LIN28B: variants seen among roughly 807,000 people sequenced by gnomAD.
LIN28B encodes protein lin-28 homolog B.
LIN28B carries 5 observed loss-of-function variants against 21.9 expected under a neutral mutation model. The ratio of observed to expected loss-of-function variants is 0.23; its 90% CI spans 0.12 to 0.48. The LOEUF is 0.48. Ranked by LOEUF, LIN28B falls within the 20% of genes least tolerant of loss-of-function variation. The pLI, the probability that LIN28B is intolerant of heterozygous loss-of-function variation, is 0.98. For synonymous variants in LIN28B, 109 were observed against 111.3 expected (o/e 0.98, Z 0.13); for missense variants, 245 against 310.5 (o/e 0.79, Z 1.58).
intron 2 of LIN28B, among the ~76,000 whole-genome samples, chr6:104,997,461 A>T (rs558787490): frequency 6.6e-5 from 10 of 152,128 alleles, no homozygotes; most frequent in African/African-American, 2.2e-4. Flanking sequence ...AACCTTGATG[A>T]TGACGAAATT....
chr6:105,059,539 T>C (rs574170053), intron 3 of LIN28B, among the ~76,000 whole-genome samples: 1 of 152,324 alleles, frequency 6.6e-6, no homozygotes, highest in African/African-American at 2.4e-5. Flanking sequence ...TCCATTACTA[T>C]TTTATTGAAA....
chr6:104,955,427 AT>A (rs776138385), upstream of LIN28B, among the ~76,000 whole-genome samples: 12 of 152,168 alleles, frequency 7.9e-5, no homozygotes, highest in Non-Finnish European at 1.3e-4. Flanking sequence ...AAAAAAAAAA[AT>A]CTTTCCAAAT....
intron 2 of LIN28B, among the ~76,000 whole-genome samples, chr6:105,002,175 T>TG (rs1434209433): frequency 6.6e-6 from 1 of 151,342 alleles, no homozygotes; most frequent in Non-Finnish European, 1.5e-5. Context: ...TATTTTTTTT[T>TG]TTTTTTTTTT....
At chr6:105,062,360 A>G (rs1772137921) in intron 3 of LIN28B, among the ~76,000 whole-genome samples, 2 of 152,190 alleles carry the variant, frequency 1.3e-5, no homozygotes, top group Non-Finnish European at 2.9e-5. Flanking sequence ...AACACTTTCT[A>G]TCTTACAGCA....
upstream of LIN28B, among the ~76,000 whole-genome samples, chr6:104,953,375 A>G (rs1381191886): frequency 1.3e-5 from 2 of 152,160 alleles, no homozygotes; most frequent in Non-Finnish European, 2.9e-5. Context: ...CACTTATCTT[A>G]GCTTTAGGAG....
At chr6:105,029,485 A>T (rs1286055602) in intron 3 of LIN28B, among the ~76,000 whole-genome samples, 4 of 152,072 alleles carry the variant, frequency 2.6e-5, no homozygotes, top group Non-Finnish European at 5.9e-5. Context: ...TGGTAGATAG[A>T]TATGAAGGTA....
At chr6:105,028,185 C>A (rs1384198345) in intron 3 of LIN28B, among the ~76,000 whole-genome samples, 1 of 152,050 alleles carries the variant, frequency 6.6e-6, no homozygotes, top group Non-Finnish European at 1.5e-5. Flanking sequence ...GGGTTGGAAT[C>A]AGTATGTGAG....
At chr6:104,960,332 A>T (rs554997470) in intron 2 of LIN28B, among the ~76,000 whole-genome samples, 1 of 152,294 alleles carries the variant, frequency 6.6e-6, no homozygotes, top group South Asian at 2.1e-4. Flanking sequence ...TGATACAGGT[A>T]TTATGTGTGC....
chr6:105,062,696 CGTTTCTAAGA>C (rs1314701330), intron 3 of LIN28B, among the ~76,000 whole-genome samples: 1 of 151,642 alleles, frequency 6.6e-6, no homozygotes, highest in Non-Finnish European at 1.5e-5. Flanking sequence ...TTTTCAAATA[CGTTTCTAAGA>C]GGTTCCAGCT....
chr6:105,052,288 A>G (rs1771922550), intron 3 of LIN28B, among the ~76,000 whole-genome samples: 2 of 152,152 alleles, frequency 1.3e-5, no homozygotes, highest in Non-Finnish European at 2.9e-5. Context: ...ATGGTGTCTT[A>G]GTCTACTTTG....
intron 2 of LIN28B, among the ~76,000 whole-genome samples, chr6:105,011,362 T>C (rs901465727): frequency 6.6e-6 from 1 of 152,178 alleles, no homozygotes; most frequent in Non-Finnish European, 1.5e-5. Context: ...GGCTAATTTT[T>C]GTATTTTTTG....
chr6:105,027,252 C>T (rs982141144), intron 3 of LIN28B, among the ~76,000 whole-genome samples: 3 of 152,060 alleles, frequency 2.0e-5, no homozygotes, highest in East Asian at 1.9e-4. Flanking sequence ...AAACTACTCT[C>T]CAGAAATGAT....
chr6:105,000,247 A>G (rs1770695375), intron 2 of LIN28B, among the ~76,000 whole-genome samples: 2 of 152,170 alleles, frequency 1.3e-5, no homozygotes, highest in South Asian at 4.1e-4. Context: ...CATGTTTAAA[A>G]AAACAGTTAT....
rs538930967 is a variant in LIN28B at position 104,997,858 on chromosome 6, T to C, written c.199-28440T>C. ...TGGTGTCACTCATGGGAAGCAGCAG[T>C]AGCCTTTTTTCCTTAATTTATTCCC... On this transcript the variant is annotated intron_variant, in intron 2 of 3. Coordinates refer to ENST00000345080, the MANE Select transcript of LIN28B (RefSeq NM_001004317.4). Among the ~76,000 whole-genome samples, 3 of 152,316 alleles carry C rather than the reference T, an allele frequency of 2.0e-5. No homozygotes were observed. In the South Asian group the frequency reaches 6.2e-4, roughly 32 times the overall value.
intron 2 of LIN28B, among the ~76,000 whole-genome samples, chr6:104,946,668 T>C (rs1213487886): frequency 6.6e-6 from 1 of 152,162 alleles, no homozygotes; most frequent in Non-Finnish European, 1.5e-5. Context: ...TATATGATTT[T>C]AAGTAATGTT....
chr6:104,957,621 A>ATT (rs1778309798), intron 1 of LIN28B, among the ~76,000 whole-genome samples: 1 of 151,846 alleles, frequency 6.6e-6, no homozygotes, highest in Admixed American at 6.6e-5. Context: ...GGGGAGGGGA[A>ATT]TGCACATTGC....
rs1002145144 is a variant in LIN28B, at chr6:104,969,088, T to C, written c.198+10802T>C. Among the ~76,000 whole-genome samples, 4 of 151,070 alleles carry C rather than the reference T, an allele frequency of 2.6e-5. No homozygotes were observed. In the Admixed American group the frequency reaches 2.7e-4, roughly 10 times the overall value. ...AACACAGCTCAGTGTAAGCCATACATTTTTTTTTAAGTGCATCTTTTTCAA... is the reference window on the plus strand; with the variant it reads ...AACACAGCTCAGTGTAAGCCATACACTTTTTTTTAAGTGCATCTTTTTCAA... On this transcript the variant is annotated intron_variant, in intron 2 of 3. Coordinates refer to ENST00000345080, the MANE Select transcript of LIN28B (RefSeq NM_001004317.4).
At position 105,023,289 on chromosome 6, in the gene LIN28B, A is replaced by T. The variant is rs1212965752; in HGVS notation, c.199-3009A>T. On this transcript the variant is annotated intron_variant, in intron 2 of 3. Coordinates refer to ENST00000345080, the MANE Select transcript of LIN28B (RefSeq NM_001004317.4). ...TTATTTATTATTATATATATAAATA[A>T]TATATATATTTATATATAATTATAT... 4.2e-4 allele frequency among the ~76,000 whole-genome samples: 13 copies of T among 30,692 alleles called. No individual in the cohort carries two copies. In the South Asian group the frequency reaches 0.013, roughly 30 times the overall value. 20.1% of individuals were successfully genotyped at this position (30,692 alleles called of 152,430 possible).
At chr6:105,075,653 A>G (rs1026145675) in intron 3 of LIN28B, among the ~76,000 whole-genome samples, 2 of 152,220 alleles carry the variant, frequency 1.3e-5, no homozygotes, top group African/African-American at 4.8e-5. Context: ...TAGCATCCTT[A>G]AAAATAACTT....
Sources: allele counts gnomAD v4.1 joint callset (sites outside exome capture counted in the v4.1 genomes callset), GRCh38; gene constraint gnomAD v4.1.1; transcripts MANE v1.5; gene names NCBI Gene and HGNC (gene_info 2026-07-23, HGNC 2026-07-21).